ACTL6A: variants seen among roughly 807,000 people sequenced by gnomAD.
ACTL6A encodes actin-like protein 6A.
ACTL6A carries 5 observed loss-of-function variants against 59.2 expected under a neutral mutation model. The ratio of observed to expected loss-of-function variants is 0.08; its 90% CI spans 0.04 to 0.18. ACTL6A has a LOEUF of 0.18. ACTL6A is among the 10% of genes least tolerant of loss of function. The pLI, the probability that ACTL6A is intolerant of heterozygous loss-of-function variation, is 1.00. For missense variants in ACTL6A, 285 were observed against 526.9 expected, an observed-to-expected ratio of 0.54 and a Z score of 4.49; for synonymous variants, 154 against 171.8, an observed-to-expected ratio of 0.90 and a Z score of 0.81.
At chr3:179,578,001 C>T (rs1350255895) in intron 8 of ACTL6A, among the ~76,000 whole-genome samples, 2 of 152,262 alleles carry the variant, frequency 1.3e-5, no homozygotes, top group African/African-American at 4.8e-5. Context: ...TGGGTATATA[C>T]CCAGTAATGA....
At chr3:179,569,424 C>G (rs991519982) in intron 1 of ACTL6A, among the ~76,000 whole-genome samples, 6 of 152,228 alleles carry the variant, frequency 3.9e-5, no homozygotes, top group African/African-American at 1.4e-4. Flanking sequence ...TGAAATTACC[C>G]AGTTTTAGTG....
At chr3:179,575,960 T>C (rs1718154718) in intron 5 of ACTL6A, among the ~76,000 whole-genome samples, 1 of 152,228 alleles carries the variant, frequency 6.6e-6, no homozygotes, top group South Asian at 2.1e-4. Context: ...ACCAGCTTAA[T>C]AGTAGCTGTT....
At chr3:179,564,761 T>C (rs1717780313) in intron 1 of ACTL6A, among the ~76,000 whole-genome samples, 2 of 152,336 alleles carry the variant, frequency 1.3e-5, no homozygotes, top group South Asian at 2.1e-4. Context: ...GTGGCAGGTA[T>C]AGGCTCTTGT....
Position 179,567,062 on chromosome 3 carries a change from A to G in ACTL6A, c.26-2762A>G, listed in dbSNP as rs147322395. 4.7e-3 allele frequency among the ~76,000 whole-genome samples: 717 copies of G among 152,264 alleles called. 9 individuals carry two copies. The highest frequency in any genetic ancestry group is 0.016 in the African/African-American group (679 of 41,544). On this transcript the variant is annotated intron_variant, in intron 1 of 13. Transcript: ENST00000429709. Reference sequence around the variant, plus strand: ...CTAATGATTTCATTTTAACTTAATTACTTCTTCAAAGATTCTGGTTTCACC... The same window carrying G: ...CTAATGATTTCATTTTAACTTAATTGCTTCTTCAAAGATTCTGGTTTCACC...
intron 13 of ACTL6A, 154 bp downstream of exon 13, chr3:179,586,786 C>A: frequency 1.6e-6 from 1 of 624,706 alleles, no homozygotes; most frequent in Non-Finnish European, 2.6e-6. Context: ...TTTATGTGTT[C>A]TGATGTAACA....
chr3:179,576,564 C>G (rs2292907), intron 6 of ACTL6A, 56 bp from the exon 7 acceptor site: 1 of 1,334,920 alleles, frequency 7.5e-7, no homozygotes, highest in African/African-American at 1.5e-5. Context: ...AGAGGAAATT[C>G]GTTCAAGGAA....
At chr3:179,573,546 T>A (rs1440683920) in intron 4 of ACTL6A, 77 bp downstream of exon 4, 14 of 981,378 alleles carry the variant, frequency 1.4e-5, no homozygotes, top group Non-Finnish European at 2.1e-5. Context: ...AGTTTTCTAC[T>A]CATTTGATGA....
At chr3:179,564,943 T>C (rs1717786879) in intron 1 of ACTL6A, among the ~76,000 whole-genome samples, 2 of 150,690 alleles carry the variant, frequency 1.3e-5, no homozygotes, top group Admixed American at 1.3e-4. Context: ...CAGGCGGTCT[T>C]CCCACCTCAG....
intron 11 of ACTL6A, among the ~76,000 whole-genome samples, chr3:179,582,754 G>A (rs1304986950): frequency 2.0e-5 from 3 of 151,708 alleles, no homozygotes; most frequent in African/African-American, 4.8e-5. Flanking sequence ...TTTTTGGCTG[G>A]TGGTTGCTAT....
Position 179,588,058 on chromosome 3 carries a change from T to G in ACTL6A, c.*48T>G, listed in dbSNP as rs6769752. On this transcript the variant is annotated 3_prime_UTR_variant, in exon 14 of 14. Coordinates refer to ENST00000429709, the MANE Select transcript of ACTL6A (RefSeq NM_004301.5). ...CTTCCTTTTGTCACCTTACGTTTCATAGCTTTAGTATACTCAGGAAAAGAA... is the reference window on the plus strand; with the variant it reads ...CTTCCTTTTGTCACCTTACGTTTCAGAGCTTTAGTATACTCAGGAAAAGAA... 5.8e-6 allele frequency: 8 copies of G among 1,384,612 alleles called. No individual in the cohort carries two copies. The African/African-American group carries it at 1.2e-4, about 20-fold the overall frequency. 85.8% of individuals were successfully genotyped at this position (1,384,612 alleles called of 1,614,324 possible). A position where few individuals can be genotyped will look rare whatever the true frequency, so the allele number is the denominator to read the frequency against.
chr3:179,567,666 C>G (rs1717876828), intron 1 of ACTL6A, among the ~76,000 whole-genome samples: 1 of 152,178 alleles, frequency 6.6e-6, no homozygotes, highest in African/African-American at 2.4e-5. Context: ...ATTTTACCAA[C>G]TCATATTCAT....
intron 5 of ACTL6A, chr3:179,575,437 C>T: frequency 2.2e-6 from 1 of 456,680 alleles, no homozygotes; most frequent in Non-Finnish European, 4.4e-6. Flanking sequence ...AACAGGATAA[C>T]CTTCAGGGAA....
intron 12 of ACTL6A, 47 bp from the exon 13 acceptor site, chr3:179,586,494 CTAAGT>C (rs1718495562): frequency 1.2e-6 from 1 of 848,656 alleles, no homozygotes; most frequent in Non-Finnish European, 1.7e-6. Context: ...AAAGAATTTT[CTAAGT>C]TGAGTCACAA....
At chr3:179,584,534 T>C (rs919691366) in intron 12 of ACTL6A, 5 of 151,924 alleles carry the variant, frequency 3.3e-5, no homozygotes, top group African/African-American at 1.2e-4. Context: ...GGCAGGAGAA[T>C]TGCTTGAACC....
At chr3:179,565,990 T>A (rs182642222) in intron 1 of ACTL6A, among the ~76,000 whole-genome samples, 1 of 152,206 alleles carries the variant, frequency 6.6e-6, no homozygotes, top group Admixed American at 6.5e-5. Context: ...GTGGCAATGG[T>A]ATTAAAAAGG....
At chr3:179,564,518 C>T (rs981246504) in intron 1 of ACTL6A, among the ~76,000 whole-genome samples, 34 of 152,246 alleles carry the variant, frequency 2.2e-4, no homozygotes, top group Admixed American at 2.6e-4. Context: ...CTCCTGCCTC[C>T]CATGGCCACT....
At chr3:179,576,465 A>G in intron 6 of ACTL6A, 154 bp downstream of exon 6, 1 of 784,472 alleles carries the variant, frequency 1.3e-6, no homozygotes, top group Non-Finnish European at 2.0e-6. Flanking sequence ...TATAATGTAT[A>G]TTTAAAACTG....
rs1420696242 is a variant in ACTL6A, at chr3:179,587,934, C to T, written c.1214C>T (p.Thr405Ile). 6.2e-7 allele frequency: 1 copy of T among 1,603,720 alleles called. No homozygotes were observed. Among genetic ancestry groups the T allele is most frequent in the Non-Finnish European group, 8.5e-7 (1 of 1,177,166 alleles). ...IGGSILASLG[T>I]FQQMWISKQE... ...AAATTTCTTTCCATTTTACAGGGTA[C>T]CTTTCAACAGATGTGGATTTCCAAG... The change falls in exon 14 of 14, where the codon ACC becomes ATC. Residue 405 changes from threonine (T) to isoleucine (I), a missense_variant. By Grantham distance (89) the Thr-to-Ile change is moderately conservative (BLOSUM62 -1). Transcript: ENST00000429709.
intron 11 of ACTL6A, among the ~76,000 whole-genome samples, chr3:179,581,996 T>C (rs897662486): frequency 2.6e-5 from 4 of 152,230 alleles, no homozygotes; most frequent in African/African-American, 9.6e-5. Flanking sequence ...ACTGCCTAGA[T>C]TTTGAGTAAA....
Sources: gnomAD v4.1 joint callset for allele counts (sites outside exome capture counted in the v4.1 genomes callset) on GRCh38, gnomAD v4.1.1 for gene constraint, MANE v1.5 for transcripts, NCBI Gene and HGNC (gene_info 2026-07-23, HGNC 2026-07-21) for gene names.